SLC19A2: variants seen among roughly 807,000 people sequenced by gnomAD.
SLC19A2 encodes the protein thiamine transporter 1.
Under a neutral mutation model 44.7 loss-of-function variants are expected in SLC19A2, and 27 were observed. The ratio of observed to expected loss-of-function variants is 0.60; its 90% CI spans 0.45 to 0.83. The LOEUF (loss-of-function observed/expected upper bound fraction) is 0.83. Ranked by LOEUF, SLC19A2 falls within the 40% of genes least tolerant of loss-of-function variation. The pLI is 0.00. For synonymous variants in SLC19A2, 239 were observed against 243.6 expected (o/e 0.98, Z 0.18); for missense variants, 566 against 613.7 (o/e 0.92, Z 0.82).
intron 5 of SLC19A2, among the ~76,000 whole-genome samples, chr1:169,466,720 T>TGAACA (rs1273817257): frequency 6.6e-6 from 1 of 152,054 alleles, no homozygotes; most frequent in Non-Finnish European, 1.5e-5. Context: ...TGTGTGTTGT[T>TGAACA]CCCCTCCCTG....
chr1:169,473,677 C>T (rs1658247330), intron 2 of SLC19A2, among the ~76,000 whole-genome samples: 1 of 151,364 alleles, frequency 6.6e-6, no homozygotes, highest in African/African-American at 2.4e-5. Context: ...AAATAACATA[C>T]TGACTCTAAA....
chr1:169,470,253 GCCCAATTACTTA>G lies in SLC19A2; in HGVS notation c.808-79_808-68del, dbSNP rs373828727. On this transcript the variant is annotated intron_variant, in intron 2 of 5. Transcript: ENST00000236137. ...CAATTATATAGAAAGCAATTTACAG[GCCCAATTACTTA>G]CCTAACAGACTTTTTTCCTTGTGAA... 1.2e-3 allele frequency: 1,592 copies of G among 1,326,926 alleles called. 10 individuals carry two copies. In the African/African-American group the frequency reaches 0.019, roughly 16 times the overall value. 82.2% of individuals were successfully genotyped at this position (1,326,926 alleles called of 1,614,324 possible).
intron 1 of SLC19A2, among the ~76,000 whole-genome samples, chr1:169,485,154 G>A (rs1282962665): frequency 6.6e-6 from 1 of 152,204 alleles, no homozygotes; most frequent in East Asian, 1.9e-4. Context: ...AAAAGCAGTG[G>A]TTGCCTACTT....
chr1:169,467,684 G>A (rs193123476), intron 5 of SLC19A2, among the ~76,000 whole-genome samples: 31 of 152,294 alleles, frequency 2.0e-4, no homozygotes, highest in African/African-American at 4.6e-4. Context: ...AGGCATTACC[G>A]TGGTATTTGG....
At chr1:169,470,539 C>G (rs757951194) in intron 2 of SLC19A2, among the ~76,000 whole-genome samples, 1 of 151,236 alleles carries the variant, frequency 6.6e-6, no homozygotes, top group Non-Finnish European at 1.5e-5. Context: ...TAATAATAAG[C>G]AACAGACTAG....
chr1:169,468,493 C>A, intron 4 of SLC19A2, 151 bp downstream of exon 4: 1 of 718,676 alleles, frequency 1.4e-6, no homozygotes. Flanking sequence ...AATGCTTCCT[C>A]AGGAGAAAAA....
intron 1 of SLC19A2, among the ~76,000 whole-genome samples, chr1:169,483,472 C>T (rs372540767): frequency 2.0e-5 from 3 of 152,250 alleles, no homozygotes; most frequent in East Asian, 1.9e-4. Flanking sequence ...TGAGAAGACA[C>T]CCCTTCCCCA....
At chr1:169,482,236 TA>T (rs879721809) in intron 1 of SLC19A2, among the ~76,000 whole-genome samples, 8 of 141,376 alleles carry the variant, frequency 5.7e-5, no homozygotes, top group Non-Finnish European at 7.7e-5. Flanking sequence ...TTAAAAAATT[TA>T]AAAAAAAAAG....
In SLC19A2 at chr1:169,485,869, C is replaced by T. The variant is rs886045532; in HGVS notation, c.-103G>A. The T allele has an allele frequency of 1.9e-5, 25 of 1,317,758 alleles. No individual in the cohort carries two copies. Among genetic ancestry groups the T allele is most frequent in the Non-Finnish European group, 5.1e-6 (5 of 983,148 alleles). The allele number at this position is 1,317,758 out of a possible 1,614,324, so 81.6% of individuals were successfully genotyped here. A position where few individuals can be genotyped will look rare whatever the true frequency, so the allele number is the denominator to read the frequency against. On this transcript the variant is annotated 5_prime_UTR_variant, in exon 1 of 6. Transcript: ENST00000236137. The stretch of plus-strand genomic sequence containing the variant: ...TGTAACCGCGAGTGACGCCTTCTCC[C>T]TGTAAGGCCAGGACGTTCTGGACTC...
Position 169,470,117 on chromosome 1 carries a change from G to A in SLC19A2, c.877C>T (p.Arg293Cys), listed in dbSNP as rs957742567. 7 of 1,613,978 alleles carry A rather than the reference G, an allele frequency of 4.3e-6. No homozygotes were observed. Among genetic ancestry groups the A allele is most frequent in the East Asian group, 2.2e-5 (1 of 44,900 alleles). ...CACACAGACCAGCAGAGAAGAGGGC[G>A]AGAGGAGTAGCACATCAGGAAATCA... ...WNDFLMCYSS[R>C]PLLCWSVWWA... Residue 293 changes from arginine to cysteine, a missense_variant, in exon 3 of 6, where the codon CGC becomes TGC. By Grantham distance (180) the Arg-to-Cys change is radical. Coordinates refer to ENST00000236137, the MANE Select transcript of SLC19A2 (RefSeq NM_006996.3).
chr1:169,475,800 G>T (rs939957863), intron 2 of SLC19A2, among the ~76,000 whole-genome samples: 1 of 152,172 alleles, frequency 6.6e-6, no homozygotes, highest in Non-Finnish European at 1.5e-5. Flanking sequence ...GTCTACCCAG[G>T]CTCTCTGGGA....
At position 169,477,572 on chromosome 1, in the gene SLC19A2, A is replaced by C; in HGVS notation, c.390T>G (p.Phe130Leu). 1 of 1,614,174 alleles carries C rather than the reference A, an allele frequency of 6.2e-7. No homozygotes were observed. Among genetic ancestry groups the C allele is most frequent in the Non-Finnish European group, 8.5e-7 (1 of 1,180,024 alleles). Residue 130 changes from phenylalanine to leucine, a missense_variant, in exon 2 of 6, where the codon TTT (phenylalanine) becomes TTG (leucine). Physicochemically the swap from Phe to Leu is conservative, Grantham distance 22 (BLOSUM62 0). Transcript: ENST00000236137. ...TTTCAGTGGCTGTGGCGATGCCATAAAAAAATTCTAGAAATTGAATGGCCA... is the reference window on the plus strand; with the variant it reads ...TTTCAGTGGCTGTGGCGATGCCATACAAAAATTCTAGAAATTGAATGGCCA... Reference protein sequence around the residue: ...GLLAIQFLEFFYGIATATEIA... With the variant: ...GLLAIQFLEFLYGIATATEIA...
At chr1:169,481,610 C>T (rs190944900) in intron 1 of SLC19A2, among the ~76,000 whole-genome samples, 1 of 152,296 alleles carries the variant, frequency 6.6e-6, no homozygotes, top group African/African-American at 2.4e-5. Context: ...AAACATCCTA[C>T]AGGCAAAAAT....
intron 2 of SLC19A2, among the ~76,000 whole-genome samples, chr1:169,475,710 G>A (rs1334232751): frequency 6.6e-6 from 1 of 151,926 alleles, no homozygotes; most frequent in East Asian, 1.9e-4. Flanking sequence ...CTTAATCCTT[G>A]GTCATTCTGA....
chr1:169,471,766 A>G (rs1658190417), intron 2 of SLC19A2, among the ~76,000 whole-genome samples: 1 of 151,724 alleles, frequency 6.6e-6, no homozygotes, highest in Non-Finnish European at 1.5e-5. Context: ...TCTTATATAC[A>G]GTAACAGTGA....
At chr1:169,468,885 T>G (rs1445013768) in intron 3 of SLC19A2, 49 bp from the exon 4 acceptor site, 1 of 1,525,444 alleles carries the variant, frequency 6.6e-7, no homozygotes, top group Non-Finnish European at 9.1e-7. Flanking sequence ...ACAAATGCTG[T>G]TGCAATAAAT....
At position 169,485,614 on chromosome 1, in the gene SLC19A2, G is replaced by A. The variant is rs1302907832; in HGVS notation, c.153C>T (p.Pro51=). 1.3e-6 allele frequency: 2 copies of A among 1,574,920 alleles called. No individual in the cohort carries two copies. Among genetic ancestry groups the A allele is most frequent in the Non-Finnish European group, 1.7e-6 (2 of 1,160,286 alleles). ...GFFASLRPSE[P]FLTPYLLGPD... ...GCCCCAGCAGGTACGGGGTCAGGAA[G>A]GGCTCGGACGGCCTGAGGCTGGCGA... is the stretch of plus-strand genomic sequence containing the variant. Residue 51 remains proline (P), a synonymous_variant, in exon 1 of 6, where the codon CCC becomes CCT. Transcript: ENST00000236137.
rs1231702573 is a variant in SLC19A2, at chr1:169,468,200, C to T, written c.1276G>A (p.Val426Ile). ...AGTGCCAGGGCAATGAAGGTATTTACACCAAATACTAGGGCATAGCGTTCC... is the reference window on the plus strand; with the variant it reads ...AGTGCCAGGGCAATGAAGGTATTTATACCAAATACTAGGGCATAGCGTTCC... ...SMERYALVFG[V>I]NTFIALALQT... Residue 426 changes from valine (V) to isoleucine (I), a missense_variant, in exon 5 of 6, where the codon GTA (valine) becomes ATA (isoleucine). Transcript: ENST00000236137. 11 of 1,613,716 alleles carry T rather than the reference C, an allele frequency of 6.8e-6. No homozygotes were observed. Among genetic ancestry groups the T allele is most frequent in the South Asian group, 1.1e-5 (1 of 91,062 alleles).
chr1:169,482,934 A>C (rs1226987014), intron 1 of SLC19A2, among the ~76,000 whole-genome samples: 3 of 152,234 alleles, frequency 2.0e-5, no homozygotes, highest in African/African-American at 7.2e-5. Context: ...GTTTAAAAAA[A>C]TCTAAGAAAG....
Sources: allele counts gnomAD v4.1 joint callset (sites outside exome capture counted in the v4.1 genomes callset), GRCh38; gene constraint gnomAD v4.1.1; transcripts MANE v1.5; gene names NCBI Gene and HGNC (gene_info 2026-07-23, HGNC 2026-07-21).